Variants in LARP1B observed in about 807,000 individuals in gnomAD.
The protein encoded by LARP1B is La ribonucleoprotein 1B.
A neutral mutation model predicts 114.2 loss-of-function variants in LARP1B; 76 were observed. The observed-to-expected ratio is 0.67, with a 90% CI of 0.55 to 0.81. The LOEUF is 0.81. Ranked by LOEUF, LARP1B falls within the 30% of genes least tolerant of loss-of-function variation. The probability of loss-of-function intolerance (pLI) is 0.00; values close to 1 mark genes in which losing one functional copy is unlikely to be tolerated. For synonymous variants in LARP1B, 345 were observed against 348.0 expected (o/e 0.99, Z 0.10); for missense variants, 1,014 against 1,075.8 (o/e 0.94, Z 0.80).
At position 128,107,060 on chromosome 4, in the gene LARP1B, T is replaced by C. The variant is rs570215532; in HGVS notation, c.814-79T>C. 600 of 1,230,524 alleles carry C rather than the reference T, an allele frequency of 4.9e-4. 7 individuals are homozygous for C. The South Asian group carries it at 8.5e-3, about 17-fold the overall frequency. The allele number at this position is 1,230,524 out of a possible 1,614,324, so 76.2% of individuals were successfully genotyped here. ...AAATTAGTTTGCTAATTTCAGGTTT[T>C]CAAATTTTTAGGTTCTTAGAAGTAT... On this transcript the variant is annotated intron_variant, in intron 8 of 19. Coordinates refer to ENST00000326639, the MANE Select transcript of LARP1B (RefSeq NM_018078.4).
At chr4:128,169,362 A>G (rs1377824913) in intron 12 of LARP1B, among the ~76,000 whole-genome samples, 4 of 151,822 alleles carry the variant, frequency 2.6e-5, no homozygotes, top group South Asian at 2.1e-4. Context: ...TAATACTACA[A>G]ATTTCCACCT....
intron 4 of LARP1B, among the ~76,000 whole-genome samples, chr4:128,078,293 AAAATT>A (rs1429504295): frequency 6.6e-6 from 1 of 152,104 alleles, no homozygotes; most frequent in Non-Finnish European, 1.5e-5. Flanking sequence ...GAGTACTGTG[AAAATT>A]AAATACATTT....
intron 9 of LARP1B, 46 bp from the exon 10 acceptor site, chr4:128,114,524 G>C: frequency 1.4e-6 from 2 of 1,391,448 alleles, no homozygotes; most frequent in Non-Finnish European, 2.0e-6. Flanking sequence ...TTGTAAGTAA[G>C]AAAAGCCATT....
chr4:128,213,305 A>T (rs532870760), downstream of LARP1B, among the ~76,000 whole-genome samples: 3 of 152,268 alleles, frequency 2.0e-5, no homozygotes, highest in South Asian at 6.2e-4. Flanking sequence ...TAATCAGGTC[A>T]CTAATGAGCA....
At chr4:128,061,885 G>C in intron 1 of LARP1B, 2 of 985,070 alleles carry the variant, frequency 2.0e-6, no homozygotes, top group Non-Finnish European at 2.4e-6. Context: ...CGCGGGGAGA[G>C]CCGTCGCCGG....
intron 11 of LARP1B, among the ~76,000 whole-genome samples, chr4:128,134,885 A>G (rs541851278): frequency 1.3e-5 from 2 of 152,242 alleles, no homozygotes; most frequent in East Asian, 3.9e-4. Flanking sequence ...TGGGTCAATC[A>G]CTTGAGGTCA....
intron 9 of LARP1B, 198 bp downstream of exon 9, chr4:128,107,511 G>A: frequency 7.1e-7 from 1 of 1,405,462 alleles, no homozygotes; most frequent in Non-Finnish European, 9.3e-7. Context: ...GAATTATGAG[G>A]AAAGCTGTCT....
intron 6 of LARP1B, among the ~76,000 whole-genome samples, chr4:128,219,949 G>A (rs983852235): frequency 2.6e-5 from 4 of 152,204 alleles, no homozygotes; most frequent in South Asian, 2.1e-4. Flanking sequence ...GCAATGGCAC[G>A]ATCTCGGCTC....
chr4:128,210,520 A>G lies in LARP1B; in HGVS notation c.*467A>G. ...TTACCCCACTGTCAATTCATATTTG[A>G]ACTTACCAAAACAAAGGAGGATTAC... On this transcript the variant is annotated 3_prime_UTR_variant, in exon 20 of 20. Coordinates refer to ENST00000326639, the MANE Select transcript of LARP1B (RefSeq NM_018078.4). The G allele has an allele frequency of 1.0e-6, 1 of 983,180 alleles. No homozygotes were observed. Among genetic ancestry groups the G allele is most frequent in the Non-Finnish European group, 1.2e-6 (1 of 826,844 alleles). 60.9% of individuals were successfully genotyped at this position (983,180 alleles called of 1,614,324 possible). A position where few individuals can be genotyped will look rare whatever the true frequency, so the allele number is the denominator to read the frequency against.
chr4:128,210,355 G>A lies in LARP1B; in HGVS notation c.*302G>A, dbSNP rs2150969284. 2 of 1,111,186 alleles carry A rather than the reference G, an allele frequency of 1.8e-6. No individual in the cohort carries two copies. Among genetic ancestry groups the A allele is most frequent in the African/African-American group, 1.6e-5 (1 of 61,976 alleles). The allele number at this position is 1,111,186 out of a possible 1,614,324, so 68.8% of individuals were successfully genotyped here. ...TCTCAGATTTCTTTTTCAAAGCCATGGTTTTACAAAAACAGCATTCCTTAA... is the reference window on the plus strand; with the variant it reads ...TCTCAGATTTCTTTTTCAAAGCCATAGTTTTACAAAAACAGCATTCCTTAA... On this transcript the variant is annotated 3_prime_UTR_variant, in exon 20 of 20. Coordinates refer to ENST00000326639, the MANE Select transcript of LARP1B (RefSeq NM_018078.4).
intron 15 of LARP1B, among the ~76,000 whole-genome samples, chr4:128,198,021 A>C (rs1754813615): frequency 6.7e-6 from 1 of 149,916 alleles, no homozygotes; most frequent in African/African-American, 2.5e-5. Flanking sequence ...AGTAGCTGGG[A>C]TTACAGGTAC....
At chr4:128,079,316 A>T (rs1769290323) in intron 4 of LARP1B, among the ~76,000 whole-genome samples, 1 of 151,964 alleles carries the variant, frequency 6.6e-6, no homozygotes, top group Non-Finnish European at 1.5e-5. Flanking sequence ...GCTGGTCTTG[A>T]AATCCTGAGC....
chr4:128,072,311 A>G (rs185466129), intron 1 of LARP1B, among the ~76,000 whole-genome samples: 115 of 152,256 alleles, frequency 7.6e-4, no homozygotes, highest in African/African-American at 2.6e-3. Flanking sequence ...TAAGAGTAAC[A>G]TTTTAAAGAT....
chr4:128,190,435 T>C (rs1161564156), intron 15 of LARP1B, among the ~76,000 whole-genome samples: 1 of 152,206 alleles, frequency 6.6e-6, no homozygotes, highest in African/African-American at 2.4e-5. Context: ...TTGGATTGAA[T>C]ATTGATATGG....
chr4:128,194,782 G>A (rs1411881925), intron 15 of LARP1B, among the ~76,000 whole-genome samples: 1 of 143,650 alleles, frequency 7.0e-6, no homozygotes, highest in South Asian at 2.2e-4. Context: ...CAGGAGAATC[G>A]CTTGAACCTA....
intron 5 of LARP1B, 64 bp downstream of exon 5, chr4:128,082,369 A>C (rs1770826740): frequency 1.4e-6 from 2 of 1,437,520 alleles, no homozygotes; most frequent in South Asian, 2.3e-5. Context: ...TCGTTATTTT[A>C]GTAACCACAT....
chr4:128,126,208 G>A (rs555782746), intron 11 of LARP1B, among the ~76,000 whole-genome samples: 1 of 142,310 alleles, frequency 7.0e-6, no homozygotes, highest in Admixed American at 7.2e-5. Flanking sequence ...TGCAACCTCC[G>A]CCTCCCAGGT....
chr4:128,124,704 C>T (rs1789006787), intron 11 of LARP1B, among the ~76,000 whole-genome samples: 2 of 152,028 alleles, frequency 1.3e-5, no homozygotes, highest in Non-Finnish European at 2.9e-5. Context: ...AACAGGCTGT[C>T]CATATAGAAG....
At chr4:128,108,936 C>A in intron 9 of LARP1B, 1 of 553,492 alleles carries the variant, frequency 1.8e-6, no homozygotes, top group Non-Finnish European at 2.3e-6. Flanking sequence ...TTAATATACA[C>A]TCAGATGCAT....
Sources: gnomAD v4.1 joint callset for allele counts (sites outside exome capture counted in the v4.1 genomes callset) on GRCh38, gnomAD v4.1.1 for gene constraint, MANE v1.5 for transcripts, NCBI Gene and HGNC (gene_info 2026-07-23, HGNC 2026-07-21) for gene names.